MYH16: variants seen among roughly 807,000 people sequenced by gnomAD.
MYH16 encodes putative uncharacterized protein MYH16.
chr7:99,299,571 G>A (rs767714888), exon 37 of MYH16: 211 of 153,722 alleles, frequency 1.4e-3, no homozygotes, highest in Non-Finnish European at 2.3e-3. Context: ...AGACGGACCT[G>A]AATGAGATGG....
intron 2 of MYH16, among the ~76,000 whole-genome samples, chr7:99,246,824 T>C (rs1455296797): frequency 6.6e-6 from 1 of 152,166 alleles, no homozygotes; most frequent in Non-Finnish European, 1.5e-5. Context: ...GTATATATGT[T>C]ACCACAGTGA....
chr7:99,293,330 T>C (rs1227294177), intron 32 of MYH16, among the ~76,000 whole-genome samples: 2 of 152,338 alleles, frequency 1.3e-5, no homozygotes, highest in East Asian at 3.9e-4. Context: ...TCTGCTAATA[T>C]GATAGCAAAT....
At chr7:99,276,768 G>A (rs1009755124) in intron 20 of MYH16, among the ~76,000 whole-genome samples, 5 of 152,174 alleles carry the variant, frequency 3.3e-5, no homozygotes, top group African/African-American at 4.8e-5. Flanking sequence ...GACAGAAGAT[G>A]AAAGGAGTGA....
intron 30 of MYH16, among the ~76,000 whole-genome samples, chr7:99,289,721 T>C (rs994021341): frequency 1.3e-5 from 2 of 152,232 alleles, no homozygotes; most frequent in Non-Finnish European, 2.9e-5. Context: ...AGCGAACATG[T>C]GTCAACGATT....
intron 8 of MYH16, chr7:99,254,327 C>T (rs1791848615): frequency 6.6e-6 from 1 of 152,220 alleles, no homozygotes; most frequent in Non-Finnish European, 1.5e-5. Flanking sequence ...TTGCACATCT[C>T]ATCCTCATAG....
chr7:99,268,232 G>A (rs1249751081), intron 18 of MYH16, among the ~76,000 whole-genome samples: 3 of 152,190 alleles, frequency 2.0e-5, no homozygotes, highest in African/African-American at 4.8e-5. Flanking sequence ...ATTGACTTGC[G>A]GGGGACACTT....
chr7:99,280,304 C>A (rs1488233126), intron 22 of MYH16, among the ~76,000 whole-genome samples: 1 of 152,290 alleles, frequency 6.6e-6, no homozygotes, highest in African/African-American at 2.4e-5. Context: ...AGGCAGAGAA[C>A]ATGTCCGTCA....
chr7:99,266,413 G>C (rs919390657), intron 17 of MYH16, among the ~76,000 whole-genome samples: 1 of 151,988 alleles, frequency 6.6e-6, no homozygotes, highest in Admixed American at 6.6e-5. Flanking sequence ...TAGAACATAG[G>C]GCCACAGATT....
intron 38 of MYH16, among the ~76,000 whole-genome samples, chr7:99,302,317 T>TACACACACACACACAC (rs201230482): frequency 2.1e-5 from 2 of 95,568 alleles, no homozygotes; most frequent in African/African-American, 4.6e-5. Flanking sequence ...AAAAAATATA[T>TACACACACACACACAC]ACACACACAC....
At chr7:99,256,166 C>T (rs1791869790) in intron 9 of MYH16, among the ~76,000 whole-genome samples, 1 of 147,006 alleles carries the variant, frequency 6.8e-6, no homozygotes, top group Non-Finnish European at 1.5e-5. Context: ...GTGCCAGGCA[C>T]AGTAGCTTAC....
At chr7:99,290,038 C>G (rs1001163965) in intron 30 of MYH16, among the ~76,000 whole-genome samples, 1 of 152,170 alleles carries the variant, frequency 6.6e-6, no homozygotes, top group African/African-American at 2.4e-5. Flanking sequence ...AGAAGCTGTG[C>G]TCTAATCACA....
intron 18 of MYH16, among the ~76,000 whole-genome samples, chr7:99,270,702 T>C (rs1792036422): frequency 6.6e-6 from 1 of 151,766 alleles, no homozygotes; most frequent in South Asian, 2.1e-4. Context: ...GATAACATAG[T>C]GAGACCCTAT....
chr7:99,267,162 G>C (rs745865618), intron 18 of MYH16, among the ~76,000 whole-genome samples: 12 of 152,352 alleles, frequency 7.9e-5, no homozygotes, highest in Admixed American at 2.0e-4. Context: ...AATTTGGGGA[G>C]ATTAGAGGCA....
At chr7:99,292,566 C>A (rs1792402629) in intron 32 of MYH16, 58 bp downstream of exon 13, 1 of 443,360 alleles carries the variant, frequency 2.3e-6, no homozygotes. Flanking sequence ...GTGCTGGGGG[C>A]CTCACCACCA....
rs181488683 is a variant in MYH16 at position 99,285,481 on chromosome 7, C to G, written n.3373+43C>G. The G allele has an allele frequency of 1.5e-3, 673 of 456,448 alleles. 2 individuals carry two copies. The highest frequency in any genetic ancestry group is 2.3e-3 in the Non-Finnish European group (527 of 226,906). The allele number at this position is 456,448 out of a possible 1,614,324, so 28.3% of individuals were successfully genotyped here. A position where few individuals can be genotyped will look rare whatever the true frequency, so the allele number is the denominator to read the frequency against. ...CCCCTTCTTGAGTCAAAAGACCTAA[C>G]GGCAGTCACACATCCAACCATGAAT... On this transcript the variant is annotated intron_variant and non_coding_transcript_variant, in intron 27 of 41. Transcript: ENST00000439784.
At chr7:99,303,133 G>A (rs1423193201) in exon 39 of MYH16, 1 of 152,706 alleles carries the variant, frequency 6.5e-6, no homozygotes, top group Non-Finnish European at 1.5e-5. Flanking sequence ...ACGAGCATGA[G>A]GAGCTCATCA....
At chr7:99,278,724 C>T (rs1792153484) in intron 21 of MYH16, among the ~76,000 whole-genome samples, 2 of 152,226 alleles carry the variant, frequency 1.3e-5, no homozygotes, top group Non-Finnish European at 2.9e-5. Context: ...CCTGCTCTGC[C>T]ACGGCCATCT....
intron 2 of MYH16, among the ~76,000 whole-genome samples, chr7:99,246,216 A>G (rs1175754766): frequency 6.6e-6 from 1 of 151,570 alleles, no homozygotes; most frequent in Admixed American, 6.6e-5. Flanking sequence ...TAAAAAAAAA[A>G]AAAGAAAGAA....
exon 22 of MYH16, chr7:99,279,557 G>A (rs1792171991): frequency 2.2e-6 from 1 of 456,544 alleles, no homozygotes; most frequent in Non-Finnish European, 4.4e-6. Context: ...CATGGATGAT[G>A]AAGACCAAGA....
Sources: gnomAD v4.1 joint callset for allele counts (sites outside exome capture counted in the v4.1 genomes callset) on GRCh38, gnomAD v4.1.1 for gene constraint, MANE v1.5 for transcripts, NCBI Gene and HGNC (gene_info 2026-07-23, HGNC 2026-07-21) for gene names.